The following PITPNM2 variants were observed in gnomAD, a reference collection of about 807,000 sequenced individuals.
The protein encoded by PITPNM2 is phosphatidylinositol transfer protein membrane associated 2.
Under a neutral mutation model 132.2 loss-of-function variants are expected in PITPNM2, and 35 were observed. The observed-to-expected ratio is 0.26, with a 90% CI of 0.20 to 0.35. PITPNM2 has a LOEUF of 0.35. Among genes scored for constraint, PITPNM2 ranks in the 10% least tolerant of loss-of-function variants. The pLI is 1.00. For synonymous variants in PITPNM2, 738 were observed against 799.2 expected, an observed-to-expected ratio of 0.92 and a Z score of 1.29; for missense variants, 1,332 against 1,912.0, an observed-to-expected ratio of 0.70 and a Z score of 5.66.
intron 11 of PITPNM2, 25 bp downstream of exon 11, chr12:122,997,300 G>A (rs759330893): frequency 3.7e-6 from 6 of 1,611,120 alleles, no homozygotes; most frequent in South Asian, 1.1e-5. Context: ...GCCGGAGGCT[G>A]CAATCAAGGG....
At chr12:123,014,077 G>T in intron 3 of PITPNM2, 35 bp from the exon 4 acceptor site, 1 of 1,609,314 alleles carries the variant, frequency 6.2e-7, no homozygotes, top group Non-Finnish European at 8.5e-7. Flanking sequence ...TGTGTGTGGG[G>T]CCAGAGCACT....
intron 2 of PITPNM2, among the ~76,000 whole-genome samples, chr12:123,109,030 G>A (rs942613727): frequency 1.3e-5 from 2 of 152,182 alleles, no homozygotes; most frequent in African/African-American, 4.8e-5. Flanking sequence ...CCATCTCTGA[G>A]CCTCGGCTTC....
intron 16 of PITPNM2, 119 bp from the exon 17 acceptor site, chr12:122,990,828 G>A (rs1289026611): frequency 3.5e-6 from 4 of 1,131,798 alleles, no homozygotes; most frequent in Admixed American, 5.5e-5. Context: ...GGCAGCAGCT[G>A]TGCCAGAGCC....
chr12:123,130,844 T>C (rs2043247828), intron 1 of PITPNM2, among the ~76,000 whole-genome samples: 1 of 152,030 alleles, frequency 6.6e-6, no homozygotes, highest in Non-Finnish European at 1.5e-5. Context: ...CTGTAATAAA[T>C]GTAATTGCTT....
Position 123,000,811 on chromosome 12 carries a change from C to T in PITPNM2, c.1191G>A (p.Val397=). Residue 397 remains valine, a synonymous_variant, in exon 10 of 26, where the codon GTG becomes GTA. Transcript: ENST00000320201. The surrounding 1 kb of genome is among the most constrained non-coding windows in gnomAD (Gnocchi z 5.4). ...TGTTCAGCTGCTCCACACTGGAGGC[C>T]ACCCTGAACTCAGGGGCACCCTGGC... ...LYRQGAPEFR[V]ASSVEQLNII... 1 of 1,614,068 alleles carries T rather than the reference C, an allele frequency of 6.2e-7. No homozygotes were observed. Among genetic ancestry groups the T allele is most frequent in the East Asian group, 2.2e-5 (1 of 44,886 alleles).
In PITPNM2 at chr12:123,111,192, G is replaced by C. The variant is rs1210649531; in HGVS notation, c.-199-704C>G. Among the ~76,000 whole-genome samples, 8 of 152,222 alleles carry C rather than the reference G, an allele frequency of 5.3e-5. No homozygotes were observed. Among genetic ancestry groups the C allele is most frequent in the African/African-American group, 1.7e-4 (7 of 41,456 alleles). On this transcript the variant is annotated intron_variant, in intron 1 of 25. Coordinates refer to ENST00000320201, the MANE Select transcript of PITPNM2 (RefSeq NM_020845.3). This position sits in a 1 kb window ranked among gnomAD's most constrained non-coding sequence, Gnocchi z 4.1. ...GGGCTCCTACAGGGACCACAGACAA[G>C]CCGGGTAGCCCACCTCGCAGCTCAA...
chr12:123,084,571 C>T (rs1214338468), intron 2 of PITPNM2: 1 of 152,230 alleles, frequency 6.6e-6, no homozygotes, highest in Admixed American at 6.5e-5. Flanking sequence ...AGAGCCCCTC[C>T]GCTGCCCCCA....
chr12:123,060,701 A>G (rs2041206498), intron 2 of PITPNM2, among the ~76,000 whole-genome samples: 1 of 152,232 alleles, frequency 6.6e-6, no homozygotes, highest in African/African-American at 2.4e-5. Flanking sequence ...AGAGCTGGGA[A>G]GGCCCAAGGC....
At chr12:123,096,301 C>G (rs1294965193) in intron 2 of PITPNM2, among the ~76,000 whole-genome samples, 1 of 152,222 alleles carries the variant, frequency 6.6e-6, no homozygotes, top group Non-Finnish European at 1.5e-5. Context: ...GCTCTTGGCC[C>G]TGGTTAAATG....
At chr12:123,028,760 G>A (rs948225185) in intron 3 of PITPNM2, among the ~76,000 whole-genome samples, 1 of 152,216 alleles carries the variant, frequency 6.6e-6, no homozygotes. Context: ...AGGAACCGCA[G>A]GTTAGAAAAA....
rs774846315 is a variant in PITPNM2, at chr12:123,013,981, G to A, written c.140C>T (p.Pro47Leu). The part of the protein sequence containing the change: ...GSGVEILENR[P>L]YTDGPGGSGQ... ...AGAGCCGCCTGGGCCATCTGTGTAC[G>A]GCCGGTTCTCCAGGATCTCCACGCC... The change falls in exon 4 of 26, where the codon CCG becomes CTG. Residue 47 changes from proline (P) to leucine (L), a missense_variant. This residue lies in a region of PITPNM2 where 83 missense variants were observed against 118.7 expected (regional missense o/e 0.70). Transcript: ENST00000320201. 3.7e-6 allele frequency: 6 copies of A among 1,614,244 alleles called. No individual in the cohort carries two copies. Among genetic ancestry groups the A allele is most frequent in the Non-Finnish European group, 5.1e-6 (6 of 1,180,042 alleles).
chr12:122,995,674 G>A lies in PITPNM2; in HGVS notation c.1783-14C>T, dbSNP rs369065664. ...CAGGTCATTGTCCTGGAACGGCCCCGTGGAGGCTCACTGCCAGGTGGCCGC... is the reference window on the plus strand; with the variant it reads ...CAGGTCATTGTCCTGGAACGGCCCCATGGAGGCTCACTGCCAGGTGGCCGC... On this transcript the variant is annotated splice_polypyrimidine_tract_variant and intron_variant, in intron 13 of 25. Coordinates refer to ENST00000320201, the MANE Select transcript of PITPNM2 (RefSeq NM_020845.3). The A allele has an allele frequency of 3.3e-5, 52 of 1,572,656 alleles. 1 individual carries two copies. Among genetic ancestry groups the A allele is most frequent in the African/African-American group, 1.9e-4 (14 of 74,540 alleles).
intron 1 of PITPNM2, among the ~76,000 whole-genome samples, chr12:123,131,284 G>C (rs2043256328): frequency 6.6e-6 from 1 of 152,158 alleles, no homozygotes; most frequent in African/African-American, 2.4e-5. Flanking sequence ...GACACAGAGG[G>C]AGACAACCAT....
rs370248259 is a variant in PITPNM2, at chr12:123,123,917, C to A, written c.-199-13429G>T. Among the ~76,000 whole-genome samples the A allele has an allele frequency of 8.3e-5, 12 of 144,174 alleles. No individual in the cohort carries two copies. In the East Asian group the frequency reaches 2.5e-3, roughly 29 times the overall value. 94.6% of individuals were successfully genotyped at this position (144,174 alleles called of 152,430 possible). On this transcript the variant is annotated intron_variant, in intron 1 of 25. Coordinates refer to ENST00000320201, the MANE Select transcript of PITPNM2 (RefSeq NM_020845.3). ...CACCACCGCACTCTACCCTGGGCAA[C>A]AGAGCAAGATTCTGCCTCAAAAAAA...
At chr12:123,068,770 A>C (rs1170829503) in intron 2 of PITPNM2, among the ~76,000 whole-genome samples, 3 of 152,178 alleles carry the variant, frequency 2.0e-5, no homozygotes, top group African/African-American at 7.2e-5. Context: ...AATCTCAGAG[A>C]GCTCCAGCAC....
intron 2 of PITPNM2, among the ~76,000 whole-genome samples, chr12:123,094,188 C>T (rs959925599): frequency 6.6e-6 from 1 of 152,240 alleles, no homozygotes; most frequent in African/African-American, 2.4e-5. Context: ...TTCAGGAATA[C>T]TTGTCTTATT....
intron 2 of PITPNM2, among the ~76,000 whole-genome samples, chr12:123,035,750 C>T (rs1278610876): frequency 3.3e-5 from 5 of 152,126 alleles, no homozygotes; most frequent in Non-Finnish European, 5.9e-5. Context: ...AAACCCAAGC[C>T]CCAGATGGCT....
At position 123,034,560 on chromosome 12, in the gene PITPNM2, G is replaced by A; in HGVS notation, c.31C>T (p.Pro11Ser). The A allele has an allele frequency of 6.2e-7, 1 of 1,614,244 alleles. No homozygotes were observed. The highest frequency in any genetic ancestry group is 8.5e-7 in the Non-Finnish European group (1 of 1,180,038). ...ATGCGGTACTCCTCCACGGTCATTG[G>A]CAGAGGAATCCGATATTCCTTTATA... The part of the protein sequence containing the change: MIIKEYRIPL[P>S]MTVEEYRIAQ... The change falls in exon 3 of 26, where the codon CCA becomes TCA. Residue 11 changes from proline (P) to serine (S), a missense_variant. By Grantham distance (74) the Pro-to-Ser change is moderately conservative. Transcript: ENST00000320201.
intron 2 of PITPNM2, among the ~76,000 whole-genome samples, chr12:123,098,387 T>C (rs954656508): frequency 6.6e-6 from 1 of 151,862 alleles, no homozygotes; most frequent in African/African-American, 2.4e-5. Context: ...AGCCCTATCA[T>C]AGGAGGGCAG....
Sources: gnomAD v4.1 joint callset for allele counts (sites outside exome capture counted in the v4.1 genomes callset) on GRCh38, gnomAD v4.1.1 for gene constraint, gnomAD v4.1.1 regional missense constraint, Gnocchi (gnomAD v3.1) non-coding constraint, MANE v1.5 for transcripts, NCBI Gene and HGNC (gene_info 2026-07-23, HGNC 2026-07-21) for gene names.